The following TM7SF3 variants were observed in gnomAD, a reference collection of about 807,000 sequenced individuals.
TM7SF3 encodes transmembrane 7 superfamily member 3, also known as seven span transmembrane protein.
TM7SF3 carries 60 observed loss-of-function variants against 65.5 expected under a neutral mutation model. The ratio of observed to expected loss-of-function variants is 0.92; its 90% CI spans 0.74 to 1.14. TM7SF3 has a LOEUF of 1.14. Among genes scored for constraint, TM7SF3 ranks in the 50% most tolerant of loss-of-function variants. The pLI is 0.00. For missense variants in TM7SF3, 623 were observed against 684.8 expected, an observed-to-expected ratio of 0.91 and a Z score of 1.01; for synonymous variants, 264 against 259.6, an observed-to-expected ratio of 1.02 and a Z score of -0.16.
chr12:27,008,862 G>A (rs934925429), intron 1 of TM7SF3, among the ~76,000 whole-genome samples: 1 of 152,174 alleles, frequency 6.6e-6, no homozygotes, highest in Non-Finnish European at 1.5e-5. Context: ...ATTGAAGACT[G>A]AGGAAGGTGG....
intron 6 of TM7SF3, among the ~76,000 whole-genome samples, chr12:26,985,652 AATATATATATAT>A (rs71069288): frequency 5.4e-4 from 21 of 39,102 alleles, no homozygotes; most frequent in Admixed American, 4.2e-3. Context: ...AAAAAAAAAA[AATATATATATAT>A]ATATATATAT....
intron 8 of TM7SF3, 170 bp downstream of exon 8, chr12:26,980,396 G>A: frequency 1.7e-6 from 1 of 596,726 alleles, no homozygotes; most frequent in Non-Finnish European, 2.9e-6. Flanking sequence ...AAACCCAGAA[G>A]GTCTGAATGA....
At chr12:26,978,788 T>C (rs1939680497) in intron 9 of TM7SF3, 1 of 151,308 alleles carries the variant, frequency 6.6e-6, no homozygotes, top group Non-Finnish European at 1.5e-5. Flanking sequence ...ATCACTATGT[T>C]GCCCAGGCTG....
chr12:27,008,506 A>C (rs1941126200), intron 1 of TM7SF3, among the ~76,000 whole-genome samples: 1 of 152,170 alleles, frequency 6.6e-6, no homozygotes, highest in Non-Finnish European at 1.5e-5. Flanking sequence ...CCTTTAGATT[A>C]ACAGTTTTCA....
At chr12:27,001,355 A>T (rs1470397723) in intron 2 of TM7SF3, among the ~76,000 whole-genome samples, 1 of 152,234 alleles carries the variant, frequency 6.6e-6, no homozygotes, top group African/African-American at 2.4e-5. Flanking sequence ...GGTGATGCTG[A>T]CATCTCTTTA....
intron 1 of TM7SF3, among the ~76,000 whole-genome samples, chr12:27,010,737 C>A (rs2136460199): frequency 6.6e-6 from 1 of 152,308 alleles, no homozygotes; most frequent in African/African-American, 2.4e-5. Flanking sequence ...TAGCTTTCCT[C>A]TAAAAAGAAA....
intron 9 of TM7SF3, chr12:26,978,020 T>G (rs1308241852): frequency 1.9e-5 from 8 of 431,600 alleles, no homozygotes; most frequent in Non-Finnish European, 3.7e-5. Flanking sequence ...GGCTTGAGCC[T>G]TAGAGTTTGA....
rs527570029 is a variant in TM7SF3 at position 27,014,262 on chromosome 12, G to A, written c.-94C>T. ...GCAGCCTCGCCCACGCTATCCCGGGGCGCCCGCATCGGGCGCCATCGCCCG... is the reference window on the plus strand; with the variant it reads ...GCAGCCTCGCCCACGCTATCCCGGGACGCCCGCATCGGGCGCCATCGCCCG... On this transcript the variant is annotated 5_prime_UTR_variant, in exon 1 of 12. Transcript: ENST00000343028. 4.2e-5 allele frequency: 51 copies of A among 1,222,514 alleles called. No individual in the cohort carries two copies. The Admixed American group carries it at 6.2e-4, about 15-fold the overall frequency. 75.7% of individuals were successfully genotyped at this position (1,222,514 alleles called of 1,614,324 possible). A position where few individuals can be genotyped will look rare whatever the true frequency, so the allele number is the denominator to read the frequency against.
At chr12:26,992,905 CTTTTT>C (rs1202323508) in intron 5 of TM7SF3, among the ~76,000 whole-genome samples, 2 of 110,006 alleles carry the variant, frequency 1.8e-5, no homozygotes, top group African/African-American at 7.0e-5. Flanking sequence ...TCCCTAATGT[CTTTTT>C]TTTTTTTTTT....
Position 26,974,119 on chromosome 12 carries a change from C to T in TM7SF3, c.1559G>A (p.Trp520Ter). 6.2e-7 allele frequency: 1 copy of T among 1,614,132 alleles called. No homozygotes were observed. Residue 520 changes from tryptophan (W) to a stop codon, truncating the protein, a stop_gained, in exon 12 of 12, where the codon TGG becomes TAG. Coordinates refer to ENST00000343028, the MANE Select transcript of TM7SF3 (RefSeq NM_016551.3). LOFTEE classifies it high-confidence loss of function. ...CACTCGGCGCTCTCTCTCTTGCTTC[C>T]ATAACTTGTATGGGTGGGGAGGGAA... ...PFFPPHPYKL[W>*]KQERERRVTN...
chr12:26,985,492 G>T (rs1212004168), intron 6 of TM7SF3, among the ~76,000 whole-genome samples: 1 of 151,172 alleles, frequency 6.6e-6, no homozygotes, highest in Non-Finnish European at 1.5e-5. Context: ...GGGTGTGGTG[G>T]TACACGCCTA....
intron 1 of TM7SF3, among the ~76,000 whole-genome samples, chr12:27,007,802 T>C (rs1432862784): frequency 6.6e-6 from 1 of 152,204 alleles, no homozygotes; most frequent in Non-Finnish European, 1.5e-5. Flanking sequence ...GGAATTTATT[T>C]GGACGAATTC....
chr12:27,002,591 G>A (rs1317292984), intron 2 of TM7SF3, among the ~76,000 whole-genome samples: 1 of 152,168 alleles, frequency 6.6e-6, no homozygotes, highest in Admixed American at 6.5e-5. Flanking sequence ...GGGCATCATA[G>A]AGACTAAATG....
intron 6 of TM7SF3, among the ~76,000 whole-genome samples, chr12:26,988,160 A>T (rs1940182088): frequency 6.7e-6 from 1 of 149,852 alleles, no homozygotes; most frequent in South Asian, 2.1e-4. Flanking sequence ...TGGACAGGGG[A>T]AAAAAAAATT....
intron 6 of TM7SF3, among the ~76,000 whole-genome samples, chr12:26,988,676 G>C (rs1173526311): frequency 1.6e-5 from 2 of 123,088 alleles, no homozygotes; most frequent in African/African-American, 5.3e-5. Flanking sequence ...AGAAAATTGT[G>C]TGTGTGTGTG....
intron 1 of TM7SF3, among the ~76,000 whole-genome samples, chr12:27,009,224 T>C (rs564851594): frequency 9.8e-5 from 15 of 152,330 alleles, no homozygotes; most frequent in African/African-American, 3.6e-4. Flanking sequence ...CTTGACTATT[T>C]CTGATCCTTT....
In TM7SF3 at chr12:26,973,204, G is replaced by GTTTTGTGTTTT; in HGVS notation, c.*760_*761insAAAACACAAAA. 1 of 149,540 alleles carries GTTTTGTGTTTT rather than the reference G, an allele frequency of 6.7e-6. No homozygotes were observed. Among genetic ancestry groups the GTTTTGTGTTTT allele is most frequent in the Non-Finnish European group, 1.5e-5 (1 of 67,756 alleles). 9.3% of individuals were successfully genotyped at this position (149,540 alleles called of 1,614,324 possible). A position where few individuals can be genotyped will look rare whatever the true frequency, so the allele number is the denominator to read the frequency against. On this transcript the variant is annotated 3_prime_UTR_variant, in exon 12 of 12. Transcript: ENST00000343028. ...TTTTTTTTTTTAATTTCTCGAGACAGGGTCTCTGTCACCCAAGCTGGAGTG... is the reference window on the plus strand; with the variant it reads ...TTTTTTTTTTTAATTTCTCGAGACAGTTTTGTGTTTTGGTCTCTGTCACCCAAGCTGGAGTG...
At chr12:26,983,662 C>A (rs1939916354) in intron 6 of TM7SF3, 2 of 381,868 alleles carry the variant, frequency 5.2e-6, no homozygotes, top group Non-Finnish European at 1.1e-5. Flanking sequence ...TGGAGGCTCG[C>A]TGAAGTTTTT....
At position 26,982,878 on chromosome 12, in the gene TM7SF3, T is replaced by G; in HGVS notation, c.869-19A>C. 2.6e-6 allele frequency: 4 copies of G among 1,543,722 alleles called. No homozygotes were observed. The highest frequency in any genetic ancestry group is 3.5e-6 in the Non-Finnish European group (4 of 1,132,890). ...ACTCTTCCTAAAAAATAATGAAAATTTAGTGGATAATACATCCAATTTGAT... is the reference window on the plus strand; with the variant it reads ...ACTCTTCCTAAAAAATAATGAAAATGTAGTGGATAATACATCCAATTTGAT... On this transcript the variant is annotated intron_variant, in intron 6 of 11. Transcript: ENST00000343028.
Sources: gnomAD v4.1 joint callset for allele counts (sites outside exome capture counted in the v4.1 genomes callset) on GRCh38, gnomAD v4.1.1 for gene constraint, MANE v1.5 for transcripts, NCBI Gene and HGNC (gene_info 2026-07-23, HGNC 2026-07-21) for gene names.